Variants in TECPR2 observed in about 807,000 individuals in gnomAD.
TECPR2 encodes tectonin beta-propeller repeat containing 2, also known as tectonin beta-propeller repeat-containing protein 2.
TECPR2 carries 65 observed loss-of-function variants against 138.1 expected under a neutral mutation model. That is an observed-to-expected ratio of 0.47 (90% CI 0.39 to 0.58). The LOEUF (loss-of-function observed/expected upper bound fraction) is 0.58. TECPR2 is among the 20% of genes least tolerant of loss of function. The pLI, the probability that TECPR2 is intolerant of heterozygous loss-of-function variation, is 0.00. For missense variants in TECPR2, 1,553 were observed against 1,824.5 expected, an observed-to-expected ratio of 0.85 and a Z score of 2.71; for synonymous variants, 746 against 749.8, an observed-to-expected ratio of 0.99 and a Z score of 0.08.
At chr14:102,487,269 C>T (rs1319894899) in intron 17 of TECPR2, among the ~76,000 whole-genome samples, 2 of 152,222 alleles carry the variant, frequency 1.3e-5, no homozygotes, top group Non-Finnish European at 2.9e-5. Flanking sequence ...TCGGTCCACC[C>T]TGGTATTCCT....
At position 102,409,470 on chromosome 14, in the gene TECPR2, T is replaced by G. The variant is rs528636396; in HGVS notation, c.480+851T>G. 2.0e-5 allele frequency among the ~76,000 whole-genome samples: 3 copies of G among 152,184 alleles called. No homozygotes were observed. The South Asian group carries it at 6.2e-4, about 32-fold the overall frequency. Reference sequence around the variant, plus strand: ...ACCTGCCATCATGCCCGACTAATTTTTGTATTTTTGTAGAGACGGAGTTTT... The same window carrying G: ...ACCTGCCATCATGCCCGACTAATTTGTGTATTTTTGTAGAGACGGAGTTTT... On this transcript the variant is annotated intron_variant, in intron 4 of 19. Transcript: ENST00000359520.
intron 16 of TECPR2, among the ~76,000 whole-genome samples, chr14:102,460,473 G>A (rs1007043205): frequency 6.6e-6 from 1 of 151,426 alleles, no homozygotes; most frequent in Non-Finnish European, 1.5e-5. Context: ...AATTAGCCAG[G>A]TGTGGTGGCA....
Position 102,499,590 on chromosome 14 carries a change from A to C in TECPR2, c.*1333A>C. 7.2e-6 allele frequency: 2 copies of C among 278,802 alleles called. No homozygotes were observed. Among genetic ancestry groups the C allele is most frequent in the Non-Finnish European group, 1.4e-5 (2 of 144,194 alleles). The allele number at this position is 278,802 out of a possible 1,614,324, so 17.3% of individuals were successfully genotyped here. On this transcript the variant is annotated 3_prime_UTR_variant, in exon 20 of 20. Transcript: ENST00000359520. ...ATGGGTTGACACTTGACAGGTTGAA[A>C]CCAGTGCCTCTATGGACGGCTGCTG...
At chr14:102,394,092 A>G (rs896812392) in intron 2 of TECPR2, among the ~76,000 whole-genome samples, 1 of 152,202 alleles carries the variant, frequency 6.6e-6, no homozygotes, top group African/African-American at 2.4e-5. Context: ...ATGCCAGTGA[A>G]TTCTGTTAAT....
Position 102,440,420 on chromosome 14 carries a change from AT to A in TECPR2, c.2579-11del. ...TAGTATTTATTGGACAGTGAATAGA[AT>A]TTTTATTTCCATAGGAGCCCTTCTC... On this transcript the variant is annotated splice_polypyrimidine_tract_variant and intron_variant, in intron 10 of 19. Transcript: ENST00000359520. 6.2e-7 allele frequency: 1 copy of A among 1,612,912 alleles called. No homozygotes were observed. Among genetic ancestry groups the A allele is most frequent in the African/African-American group, 1.3e-5 (1 of 74,930 alleles).
At chr14:102,367,290 C>G (rs117776294) in intron 1 of TECPR2, among the ~76,000 whole-genome samples, 14 of 152,248 alleles carry the variant, frequency 9.2e-5, no homozygotes, top group Non-Finnish European at 1.9e-4. Context: ...ACACAGTTCA[C>G]CCATTTATAT....
intron 1 of TECPR2, among the ~76,000 whole-genome samples, chr14:102,366,599 G>A (rs553980724): frequency 2.6e-5 from 4 of 152,174 alleles, no homozygotes; most frequent in South Asian, 2.1e-4. Flanking sequence ...CTCCCACCTC[G>A]GCCTCCCAAA....
intron 4 of TECPR2, among the ~76,000 whole-genome samples, chr14:102,408,926 T>C (rs1319072579): frequency 6.6e-6 from 1 of 152,218 alleles, no homozygotes; most frequent in Non-Finnish European, 1.5e-5. Context: ...CAAGCACTTC[T>C]GAATCCTAAC....
intron 17 of TECPR2, among the ~76,000 whole-genome samples, chr14:102,483,459 T>TGA (rs1890941328): frequency 1.4e-5 from 1 of 72,892 alleles, no homozygotes; most frequent in Non-Finnish European, 2.6e-5. Context: ...GTTTTGTTTT[T>TGA]GAGACGGTCT....
chr14:102,379,344 C>T (rs999698622), intron 2 of TECPR2, among the ~76,000 whole-genome samples: 6 of 151,470 alleles, frequency 4.0e-5, no homozygotes, highest in Admixed American at 3.9e-4. Context: ...TGCTAAAGAT[C>T]GCTGTCTTAA....
intron 3 of TECPR2, among the ~76,000 whole-genome samples, chr14:102,407,674 C>T (rs572412211): frequency 2.0e-5 from 3 of 151,846 alleles, no homozygotes; most frequent in East Asian, 1.9e-4. Flanking sequence ...CCATCCTGGC[C>T]AACATGGTGA....
chr14:102,370,423 A>C (rs1314592307), intron 1 of TECPR2, among the ~76,000 whole-genome samples: 3 of 152,224 alleles, frequency 2.0e-5, no homozygotes, highest in Non-Finnish European at 4.4e-5. Flanking sequence ...TTACTGGTGA[A>C]GAGCTCAGTA....
intron 1 of TECPR2, among the ~76,000 whole-genome samples, chr14:102,366,278 T>A (rs1887343820): frequency 6.6e-6 from 1 of 152,140 alleles, no homozygotes; most frequent in South Asian, 2.1e-4. Context: ...AAGGATGCCA[T>A]AGGGTGGTGT....
rs1157615106 is a variant in TECPR2, at chr14:102,502,204, G to C, written c.*3947G>C. 1 of 152,400 alleles carries C rather than the reference G, an allele frequency of 6.6e-6. No homozygotes were observed. Among genetic ancestry groups the C allele is most frequent in the Non-Finnish European group, 1.5e-5 (1 of 68,052 alleles). The allele number at this position is 152,400 out of a possible 1,614,324, so 9.4% of individuals were successfully genotyped here. ...GGCATGGTCATGAAAGCGTGGTTCT[G>C]TAAGAAATCAGAGGGAGAAAGGGAG... is the stretch of plus-strand genomic sequence containing the variant. On this transcript the variant is annotated 3_prime_UTR_variant, in exon 20 of 20. Coordinates refer to ENST00000359520, the MANE Select transcript of TECPR2 (RefSeq NM_014844.5).
chr14:102,397,678 C>T (rs958048703), intron 2 of TECPR2, among the ~76,000 whole-genome samples: 2 of 152,008 alleles, frequency 1.3e-5, no homozygotes, highest in African/African-American at 4.8e-5. Context: ...ACCTGGGAGG[C>T]AGAGGTTGCA....
intron 16 of TECPR2, among the ~76,000 whole-genome samples, chr14:102,463,859 G>A (rs1026709946): frequency 8.5e-5 from 13 of 152,238 alleles, no homozygotes; most frequent in African/African-American, 3.1e-4. Flanking sequence ...AGGAGGCAGA[G>A]GTTGCAGTGA....
rs557073016 is a variant in TECPR2 at position 102,446,068 on chromosome 14, A to ATTTG, written c.3075+133_3075+136dup. On this transcript the variant is annotated intron_variant, in intron 13 of 19. Transcript: ENST00000359520. ...AATTTAAAATACTCACTTTTTTATT[A>ATTTG]TTTGTTTGTTTGTTTTGAAACAAGA... The ATTTG allele has an allele frequency of 4.9e-4, 612 of 1,246,974 alleles. 5 individuals carry two copies. In the African/African-American group the frequency reaches 8.6e-3, roughly 18 times the overall value. The allele number at this position is 1,246,974 out of a possible 1,614,324, so 77.2% of individuals were successfully genotyped here. A position where few individuals can be genotyped will look rare whatever the true frequency, so the allele number is the denominator to read the frequency against.
chr14:102,469,993 T>TTAGC (rs1316592241), intron 17 of TECPR2, among the ~76,000 whole-genome samples: 7 of 152,330 alleles, frequency 4.6e-5, no homozygotes, highest in Middle Eastern at 3.4e-3. Flanking sequence ...GGATTTGGTT[T>TTAGC]GCTAAAGTTT....
chr14:102,379,078 C>T (rs1036947047), intron 2 of TECPR2, among the ~76,000 whole-genome samples: 1 of 126,436 alleles, frequency 7.9e-6, no homozygotes, highest in East Asian at 2.3e-4. Context: ...TCTGAAATCT[C>T]TCAAATGCTT....
Sources: gnomAD v4.1 joint callset for allele counts (sites outside exome capture counted in the v4.1 genomes callset) on GRCh38, gnomAD v4.1.1 for gene constraint, MANE v1.5 for transcripts, NCBI Gene and HGNC (gene_info 2026-07-23, HGNC 2026-07-21) for gene names.